Variants in EYS observed in about 807,000 individuals in gnomAD.
EYS encodes the protein protein eyes shut homolog.
EYS carries 250 observed loss-of-function variants against 282.1 expected under a neutral mutation model. That is an observed-to-expected ratio of 0.89 (90% CI 0.80 to 0.98). The LOEUF is 0.98. Ranked by LOEUF, EYS falls within the 50% of genes least tolerant of loss-of-function variation. EYS has a pLI of 0.00. For missense variants in EYS, 4,016 were observed against 3,709.0 expected (o/e 1.08, Z -2.15); for synonymous variants, 1,355 against 1,282.9 (o/e 1.06, Z -1.20).
chr6:64,622,645 T>C (rs1441662965), intron 23 of EYS, among the ~76,000 whole-genome samples: 1 of 152,106 alleles, frequency 6.6e-6, no homozygotes, highest in Non-Finnish European at 1.5e-5. Flanking sequence ...TGTTGTTAGA[T>C]AAAGACAAGA....
intron 2 of EYS, among the ~76,000 whole-genome samples, chr6:65,580,718 C>T (rs1764837020): frequency 6.6e-6 from 1 of 151,904 alleles, no homozygotes; most frequent in Non-Finnish European, 1.5e-5. Flanking sequence ...TAATTGGATA[C>T]AATTTTAACC....
At chr6:64,670,629 T>C (rs1305408527) in intron 22 of EYS, among the ~76,000 whole-genome samples, 8 of 152,088 alleles carry the variant, frequency 5.3e-5, no homozygotes, top group African/African-American at 1.9e-4. Context: ...GTCCCCAGCT[T>C]CCAGGAAGCA....
intron 19 of EYS, among the ~76,000 whole-genome samples, chr6:64,857,667 T>G (rs1487138868): frequency 1.3e-5 from 2 of 152,204 alleles, no homozygotes; most frequent in Admixed American, 6.5e-5. Flanking sequence ...TTTTTAGTTT[T>G]TAGAGGAACC....
intron 26 of EYS, among the ~76,000 whole-genome samples, chr6:64,501,417 A>G (rs958201812): frequency 6.6e-6 from 1 of 152,064 alleles, no homozygotes; most frequent in African/African-American, 2.4e-5. Flanking sequence ...GCAGTTCCAT[A>G]TTTTATACTA....
chr6:65,568,708 T>C (rs1764370130), intron 2 of EYS, among the ~76,000 whole-genome samples: 1 of 152,192 alleles, frequency 6.6e-6, no homozygotes, highest in Admixed American at 6.5e-5. Context: ...TTTGATTTTC[T>C]CAGGAGAAGC....
chr6:63,855,990 C>A (rs1442307790), intron 36 of EYS, among the ~76,000 whole-genome samples: 7 of 148,608 alleles, frequency 4.7e-5, no homozygotes, highest in Non-Finnish European at 1.0e-4. Flanking sequence ...TACTCAGACT[C>A]TAATTAATTT....
chr6:63,991,208 G>C (rs541643340), intron 34 of EYS, among the ~76,000 whole-genome samples: 1 of 151,636 alleles, frequency 6.6e-6, no homozygotes, highest in African/African-American at 2.4e-5. Context: ...AGGAAACACT[G>C]GAGAGGACCT....
At chr6:65,424,500 A>G (rs1340104920) in intron 5 of EYS, among the ~76,000 whole-genome samples, 1 of 151,984 alleles carries the variant, frequency 6.6e-6, no homozygotes, top group Non-Finnish European at 1.5e-5. Flanking sequence ...TATTAAATAA[A>G]TGCATTCATC....
At chr6:63,960,782 C>T (rs991360792) in intron 35 of EYS, among the ~76,000 whole-genome samples, 2 of 152,156 alleles carry the variant, frequency 1.3e-5, no homozygotes, top group Non-Finnish European at 2.9e-5. Context: ...AAGGTATGTG[C>T]ATTTTATTTT....
chr6:64,299,704 A>T (rs1769167282), intron 30 of EYS, among the ~76,000 whole-genome samples: 1 of 152,240 alleles, frequency 6.6e-6, no homozygotes, highest in Non-Finnish European at 1.5e-5. Flanking sequence ...TCAGTTTTGC[A>T]GGCTCAATTA....
chr6:64,203,753 T>C (rs944630697), intron 31 of EYS, among the ~76,000 whole-genome samples: 75 of 152,178 alleles, frequency 4.9e-4, no homozygotes, highest in African/African-American at 1.7e-3. Context: ...ATAGTAAATA[T>C]ATTTGACTTG....
chr6:63,877,691 C>G (rs1364856318), intron 35 of EYS, among the ~76,000 whole-genome samples: 1 of 152,062 alleles, frequency 6.6e-6, no homozygotes, highest in African/African-American at 2.4e-5. Flanking sequence ...TTTTCTTAAA[C>G]TTCTCTTCTT....
chr6:64,211,240 A>G (rs1471213821), intron 31 of EYS, among the ~76,000 whole-genome samples: 1 of 152,164 alleles, frequency 6.6e-6, no homozygotes, highest in African/African-American at 2.4e-5. Flanking sequence ...CCAAGATTCT[A>G]AATCTGAGAT....
intron 22 of EYS, among the ~76,000 whole-genome samples, chr6:64,685,310 A>T (rs1347505859): frequency 6.6e-6 from 1 of 152,180 alleles, no homozygotes; most frequent in Admixed American, 6.5e-5. Context: ...ATTTAAAAAA[A>T]ATCTCAAATT....
At chr6:65,282,536 T>G (rs1768252889) in intron 12 of EYS, among the ~76,000 whole-genome samples, 1 of 152,034 alleles carries the variant, frequency 6.6e-6, no homozygotes, top group South Asian at 2.1e-4. Context: ...TGTTATTGTG[T>G]GCAATGCTGA....
chr6:64,846,535 G>T (rs1276275389), intron 19 of EYS, among the ~76,000 whole-genome samples: 2 of 151,994 alleles, frequency 1.3e-5, no homozygotes, highest in Non-Finnish European at 2.9e-5. Context: ...TAGTTTTATT[G>T]GAGCTGTGAT....
At chr6:65,346,024 T>C (rs958191530) in intron 9 of EYS, among the ~76,000 whole-genome samples, 3 of 151,872 alleles carry the variant, frequency 2.0e-5, no homozygotes, top group Non-Finnish European at 4.4e-5. Context: ...ATTATTATTC[T>C]AACTCCTCAC....
At chr6:63,949,655 C>G (rs1016042059) in intron 35 of EYS, among the ~76,000 whole-genome samples, 2 of 152,108 alleles carry the variant, frequency 1.3e-5, no homozygotes, top group Non-Finnish European at 2.9e-5. Flanking sequence ...CTATGACCTC[C>G]TTGAGTTAAG....
intron 14 of EYS, among the ~76,000 whole-genome samples, chr6:64,986,273 A>C (rs1770855734): frequency 6.6e-6 from 1 of 151,542 alleles, no homozygotes; most frequent in Non-Finnish European, 1.5e-5. Flanking sequence ...TTCCTTTGCT[A>C]CATCTATCTT....
Sources: allele counts gnomAD v4.1 joint callset (sites outside exome capture counted in the v4.1 genomes callset), GRCh38; gene constraint gnomAD v4.1.1; transcripts MANE v1.5; gene names NCBI Gene and HGNC (gene_info 2026-07-23, HGNC 2026-07-21).